Variants in TMEM178B observed in about 807,000 individuals in gnomAD.
TMEM178B encodes the protein transmembrane protein 178B.
TMEM178B carries 5 observed loss-of-function variants against 31.0 expected under a neutral mutation model. That is an observed-to-expected ratio of 0.16 (90% CI 0.08 to 0.34). The LOEUF is 0.34. Among genes scored for constraint, TMEM178B ranks in the 10% least tolerant of loss-of-function variants. TMEM178B has a pLI of 1.00. For synonymous variants in TMEM178B, 164 were observed against 164.0 expected, an observed-to-expected ratio of 1.00 and a Z score of 0.00; for missense variants, 275 against 400.3, an observed-to-expected ratio of 0.69 and a Z score of 2.67.
At chr7:141,077,839 A>G (rs1021256997) in intron 1 of TMEM178B, among the ~76,000 whole-genome samples, 2 of 152,268 alleles carry the variant, frequency 1.3e-5, no homozygotes, top group African/African-American at 4.8e-5. Context: ...GGCCAGGTCA[A>G]TATTGCAACA....
intron 2 of TMEM178B, among the ~76,000 whole-genome samples, chr7:141,253,704 C>T (rs1050272886): frequency 6.6e-6 from 1 of 152,072 alleles, no homozygotes; most frequent in African/African-American, 2.4e-5. Context: ...GTGCCCACCA[C>T]AGCGCCCGGC....
At chr7:141,224,378 T>C (rs140625546) in intron 2 of TMEM178B, among the ~76,000 whole-genome samples, 6 of 152,356 alleles carry the variant, frequency 3.9e-5, no homozygotes, top group African/African-American at 1.2e-4. Context: ...TTTTACGGAT[T>C]CGATCTCCAA....
Position 141,477,501 on chromosome 7 carries a change from A to G in TMEM178B, c.*6715A>G, listed in dbSNP as rs190231502. The G allele has an allele frequency of 3.3e-5, 5 of 152,306 alleles. No individual in the cohort carries two copies. In the East Asian group the frequency reaches 9.7e-4, roughly 29 times the overall value. 9.4% of individuals were successfully genotyped at this position (152,306 alleles called of 1,614,324 possible). A position where few individuals can be genotyped will look rare whatever the true frequency, so the allele number is the denominator to read the frequency against. On this transcript the variant is annotated 3_prime_UTR_variant, in exon 4 of 4. Transcript: ENST00000565468. ...TTCTAAAGGTTTTTCCCTGTAAAGT[A>G]GAATGCACTTCCCCCAAAATAAAAG...
At chr7:141,342,388 G>T (rs375921871) in intron 2 of TMEM178B, among the ~76,000 whole-genome samples, 7 of 152,194 alleles carry the variant, frequency 4.6e-5, no homozygotes, top group Admixed American at 3.9e-4. Flanking sequence ...ATGATAGGTG[G>T]AATCCTTTGT....
At chr7:141,313,212 A>G (rs984496560) in intron 2 of TMEM178B, among the ~76,000 whole-genome samples, 5 of 152,200 alleles carry the variant, frequency 3.3e-5, no homozygotes, top group East Asian at 1.9e-4. Flanking sequence ...ACCGAGTGGG[A>G]AAGAATGTTT....
intron 3 of TMEM178B, among the ~76,000 whole-genome samples, chr7:141,452,341 C>T (rs536185800): frequency 6.6e-6 from 1 of 152,294 alleles, no homozygotes; most frequent in South Asian, 2.1e-4. Context: ...ATGCTAAGTG[C>T]CTGACTGACT....
chr7:141,505,500 T>C, the TMEM178B span, among the ~76,000 whole-genome samples: 9,453 of 152,292 alleles, frequency 0.062, 999 homozygotes, highest in African/African-American at 0.21. Flanking sequence ...AGGCTAGTTT[T>C]TGCCCTGGGC....
At chr7:141,394,628 G>A (rs1330552404) in intron 2 of TMEM178B, among the ~76,000 whole-genome samples, 2 of 152,120 alleles carry the variant, frequency 1.3e-5, no homozygotes, top group Admixed American at 6.5e-5. Context: ...TAACCTGTGT[G>A]GTATCTCCGA....
At chr7:141,135,426 C>T (rs1795660065) in intron 1 of TMEM178B, among the ~76,000 whole-genome samples, 1 of 152,170 alleles carries the variant, frequency 6.6e-6, no homozygotes, top group East Asian at 1.9e-4. Context: ...CTGCTGAATA[C>T]ACATTCTTCT....
intron 1 of TMEM178B, among the ~76,000 whole-genome samples, chr7:141,157,448 C>T (rs1796090881): frequency 6.6e-6 from 1 of 152,078 alleles, no homozygotes; most frequent in East Asian, 1.9e-4. Context: ...CACACGCACA[C>T]ACACACGCAC....
intron 2 of TMEM178B, among the ~76,000 whole-genome samples, chr7:141,375,031 T>G (rs552234045): frequency 1.4e-3 from 212 of 152,218 alleles, no homozygotes; most frequent in Non-Finnish European, 2.6e-3. Context: ...CTGTTTCTTG[T>G]TCGTAATTTA....
intron 1 of TMEM178B, among the ~76,000 whole-genome samples, chr7:141,185,507 T>C (rs915298291): frequency 1.3e-5 from 2 of 152,140 alleles, no homozygotes; most frequent in African/African-American, 4.8e-5. Flanking sequence ...TGGGTGCCTG[T>C]TGGTGTGCTC....
the TMEM178B span, among the ~76,000 whole-genome samples, chr7:141,508,765 G>A: frequency 5.6e-4 from 86 of 152,226 alleles, no homozygotes; most frequent in Middle Eastern, 6.8e-3. Context: ...CATGAGAATC[G>A]CACAGGAAAG....
intron 1 of TMEM178B, among the ~76,000 whole-genome samples, chr7:141,160,819 A>G (rs1453411509): frequency 6.6e-6 from 1 of 152,138 alleles, no homozygotes; most frequent in Non-Finnish European, 1.5e-5. Context: ...TAGAGATTCA[A>G]TTATTAACCT....
chr7:141,271,181 T>C lies in TMEM178B; in HGVS notation c.496+58477T>C, dbSNP rs374277858. Among the ~76,000 whole-genome samples, 7 of 152,186 alleles carry C rather than the reference T, an allele frequency of 4.6e-5. No homozygotes were observed. In the East Asian group the frequency reaches 1.3e-3, roughly 29 times the overall value. ...AGCTGTATCTGGTTCCAGTGAGTAT[T>C]GTTCCTTCATCCATTTCCTGAGAGG... On this transcript the variant is annotated intron_variant, in intron 2 of 3. Transcript: ENST00000565468.
At chr7:141,195,865 A>T (rs955590430) in intron 1 of TMEM178B, among the ~76,000 whole-genome samples, 1 of 152,226 alleles carries the variant, frequency 6.6e-6, no homozygotes, top group Non-Finnish European at 1.5e-5. Context: ...GCAAGAGAAA[A>T]TGAGGAAGAA....
chr7:141,365,349 C>T (rs956683969), intron 2 of TMEM178B, among the ~76,000 whole-genome samples: 1 of 152,202 alleles, frequency 6.6e-6, no homozygotes, highest in Non-Finnish European at 1.5e-5. Context: ...CTCCAGGGGA[C>T]GCTTCTGACT....
the TMEM178B span, among the ~76,000 whole-genome samples, chr7:141,506,354 AAAG>A: frequency 1.4e-4 from 22 of 152,216 alleles, no homozygotes; most frequent in Non-Finnish European, 2.9e-4. Flanking sequence ...CTGGTAACAA[AAAG>A]AAGTTTAATT....
chr7:141,501,887 C>T, the TMEM178B span, among the ~76,000 whole-genome samples: 1 of 152,102 alleles, frequency 6.6e-6, no homozygotes, highest in East Asian at 1.9e-4. Context: ...CAGATAAAAT[C>T]TCACCTGCTA....
Sources: allele counts gnomAD v4.1 joint callset (sites outside exome capture counted in the v4.1 genomes callset), GRCh38; gene constraint gnomAD v4.1.1; transcripts MANE v1.5; gene names NCBI Gene and HGNC (gene_info 2026-07-23, HGNC 2026-07-21).